Variants in RAB27B observed in about 807,000 individuals in gnomAD.
RAB27B encodes ras-related protein Rab-27B.
A neutral mutation model predicts 24.6 loss-of-function variants in RAB27B; 15 were observed. That is an observed-to-expected ratio of 0.61 (90% CI 0.41 to 0.94). RAB27B has a LOEUF of 0.94. RAB27B is among the 40% of genes least tolerant of loss of function. The pLI, the probability that RAB27B is intolerant of heterozygous loss-of-function variation, is 0.00. For synonymous variants in RAB27B, 105 were observed against 92.5 expected, an observed-to-expected ratio of 1.14 and a Z score of -0.78; for missense variants, 261 against 266.8, an observed-to-expected ratio of 0.98 and a Z score of 0.15.
At chr18:54,869,385 A>T (rs935004973) in intron 1 of RAB27B, among the ~76,000 whole-genome samples, 1 of 152,246 alleles carries the variant, frequency 6.6e-6, no homozygotes, top group African/African-American at 2.4e-5. Flanking sequence ...GTCCTTTCCC[A>T]ACACTGATTA....
intron 1 of RAB27B, among the ~76,000 whole-genome samples, chr18:54,871,206 A>G (rs913983022): frequency 6.6e-6 from 1 of 152,232 alleles, no homozygotes; most frequent in Non-Finnish European, 1.5e-5. Context: ...GCTAAAAAAA[A>G]TACACTAAAG....
chr18:54,746,754 C>T (rs1910261517), intron 2 of RAB27B, among the ~76,000 whole-genome samples: 1 of 152,106 alleles, frequency 6.6e-6, no homozygotes. Flanking sequence ...ATGATGGAAA[C>T]ACAATCAGTA....
chr18:54,823,686 C>A (rs766649262), upstream of RAB27B, among the ~76,000 whole-genome samples: 2 of 152,116 alleles, frequency 1.3e-5, no homozygotes, highest in Non-Finnish European at 2.9e-5. Flanking sequence ...GCAAACCTCT[C>A]AAATCTATCT....
intron 1 of RAB27B, among the ~76,000 whole-genome samples, chr18:54,866,961 T>A (rs1268437198): frequency 6.6e-6 from 1 of 151,914 alleles, no homozygotes; most frequent in African/African-American, 2.4e-5. Flanking sequence ...CATCCCCAAG[T>A]CACACAAGGC....
intron 2 of RAB27B, among the ~76,000 whole-genome samples, chr18:54,724,434 G>A (rs984101524): frequency 6.6e-5 from 10 of 151,372 alleles, no homozygotes; most frequent in South Asian, 2.1e-4. Flanking sequence ...CAATAATACC[G>A]TATTACTGGC....
intron 5 of RAB27B, among the ~76,000 whole-genome samples, chr18:54,888,774 A>G (rs1913248085): frequency 6.6e-6 from 1 of 152,184 alleles, no homozygotes; most frequent in African/African-American, 2.4e-5. Context: ...GTCTTTCTTG[A>G]AACTTTTAAA....
intron 2 of RAB27B, among the ~76,000 whole-genome samples, chr18:54,773,593 C>T (rs1009817790): frequency 6.6e-6 from 1 of 152,028 alleles, no homozygotes; most frequent in African/African-American, 2.4e-5. Context: ...TAGATACACA[C>T]GAATAAGAAG....
rs980989366 is a variant in RAB27B at position 54,889,863 on chromosome 18, A to G, written c.*450A>G. 8 of 153,260 alleles carry G rather than the reference A, an allele frequency of 5.2e-5. No homozygotes were observed. The highest frequency in any genetic ancestry group is 2.0e-4 in the Admixed American group (3 of 15,334). 9.5% of individuals were successfully genotyped at this position (153,260 alleles called of 1,614,324 possible). ...ATACTTTTAGATTTGCATTGGGGAA[A>G]ATGTACTAGCTAAAAATGGATACAC... On this transcript the variant is annotated 3_prime_UTR_variant, in exon 6 of 6. Transcript: ENST00000262094.
chr18:54,723,173 G>T (rs929281667), intron 2 of RAB27B, among the ~76,000 whole-genome samples: 3 of 152,332 alleles, frequency 2.0e-5, no homozygotes, highest in African/African-American at 2.4e-5. Flanking sequence ...AAAGGCTCTT[G>T]CTGGGGATAA....
At chr18:54,835,241 G>A (rs1027506152) in intron 1 of RAB27B, among the ~76,000 whole-genome samples, 1 of 151,856 alleles carries the variant, frequency 6.6e-6, no homozygotes. Flanking sequence ...CTAATATTAA[G>A]AGGTGCCACA....
At chr18:54,756,849 A>G (rs945325672) in intron 2 of RAB27B, among the ~76,000 whole-genome samples, 1 of 152,214 alleles carries the variant, frequency 6.6e-6, no homozygotes, top group African/African-American at 2.4e-5. Flanking sequence ...ACCTATCATC[A>G]TAGTACTCAT....
chr18:54,735,719 G>C (rs539252634), intron 2 of RAB27B, among the ~76,000 whole-genome samples: 2 of 151,906 alleles, frequency 1.3e-5, no homozygotes, highest in South Asian at 4.2e-4. Context: ...AAAGGGTTTC[G>C]CCATGTTGGC....
intron 2 of RAB27B, among the ~76,000 whole-genome samples, chr18:54,804,693 C>T (rs929868202): frequency 1.3e-5 from 2 of 152,080 alleles, no homozygotes; most frequent in Non-Finnish European, 2.9e-5. Context: ...AATACATGAT[C>T]CAGAACTGGA....
At chr18:54,785,499 C>G (rs1408737000) in intron 2 of RAB27B, among the ~76,000 whole-genome samples, 1 of 150,462 alleles carries the variant, frequency 6.6e-6, no homozygotes, top group Non-Finnish European at 1.5e-5. Context: ...CCTAACCACC[C>G]TTTTAAATAA....
At chr18:54,841,844 C>A (rs191962947) in intron 1 of RAB27B, among the ~76,000 whole-genome samples, 1 of 152,246 alleles carries the variant, frequency 6.6e-6, no homozygotes, top group Admixed American at 6.5e-5. Flanking sequence ...AAATAAGACA[C>A]CAATATACTA....
chr18:54,819,538 A>G (rs1227556432), intron 2 of RAB27B, among the ~76,000 whole-genome samples: 2 of 149,124 alleles, frequency 1.3e-5, no homozygotes, highest in Non-Finnish European at 3.0e-5. Flanking sequence ...TCTCAAAAAA[A>G]AAAAAAAAAG....
chr18:54,806,825 A>G (rs188328567), intron 2 of RAB27B, among the ~76,000 whole-genome samples: 2 of 152,310 alleles, frequency 1.3e-5, no homozygotes, highest in Admixed American at 6.5e-5. Flanking sequence ...AATATCATAC[A>G]TAAACATTCT....
chr18:54,864,496 A>C (rs1032384271), intron 1 of RAB27B, among the ~76,000 whole-genome samples: 20 of 149,920 alleles, frequency 1.3e-4, no homozygotes, highest in African/African-American at 4.4e-4. Flanking sequence ...AAAAGTTTTT[A>C]TTTTTTTTTC....
chr18:54,722,997 C>T (rs1335799603), intron 2 of RAB27B, among the ~76,000 whole-genome samples: 1 of 152,130 alleles, frequency 6.6e-6, no homozygotes, highest in Non-Finnish European at 1.5e-5. Flanking sequence ...AAAAGTCTGG[C>T]ATAGAAAAGA....
Sources: allele counts gnomAD v4.1 joint callset (sites outside exome capture counted in the v4.1 genomes callset), GRCh38; gene constraint gnomAD v4.1.1; transcripts MANE v1.5; gene names NCBI Gene and HGNC (gene_info 2026-07-23, HGNC 2026-07-21).